PAK3: variants seen among roughly 807,000 people sequenced by gnomAD.
PAK3 encodes the protein serine/threonine-protein kinase PAK 3.
In PAK3, 4 loss-of-function variants were observed where a neutral mutation model predicts 41.0. That is an observed-to-expected ratio of 0.10 (90% CI 0.05 to 0.22). The LOEUF is 0.22. Ranked by LOEUF, PAK3 falls within the 10% of genes least tolerant of loss-of-function variation. PAK3 has a pLI of 1.00. For synonymous variants in PAK3, 146 were observed against 139.6 expected (o/e 1.05, Z -0.32); for missense variants, 205 against 409.9 (o/e 0.50, Z 4.32).
intron 16 of PAK3, among the ~76,000 whole-genome samples, chrX:111,198,702 A>T: frequency 9.1e-6 from 1 of 109,801 alleles, no homozygotes; most frequent in East Asian, 2.9e-4. Context: ...TTTTTTTTTT[A>T]CCAGTACCAT....
At chrX:110,993,803 A>G (rs12847822) in intron 1 of PAK3, among the ~76,000 whole-genome samples, 2 of 111,834 alleles carry the variant, frequency 1.8e-5, no homozygotes, top group Non-Finnish European at 3.8e-5. Context: ...GTAAAGGTCA[A>G]CAGCATACAT....
intron 5 of PAK3, among the ~76,000 whole-genome samples, chrX:111,141,507 A>G (rs1415855373): frequency 2.7e-5 from 3 of 112,150 alleles, no homozygotes; most frequent in African/African-American, 6.5e-5. Context: ...AGTGCTGGGT[A>G]GGAAATGATT....
chrX:111,067,132 C>T (rs1283675177), intron 1 of PAK3, among the ~76,000 whole-genome samples: 7 of 111,351 alleles, frequency 6.3e-5, no homozygotes, highest in African/African-American at 1.6e-4. Context: ...CTCTTGCTTT[C>T]GAATCCTTAT....
At chrX:111,080,815 G>T (rs1000931442) in intron 1 of PAK3, among the ~76,000 whole-genome samples, 1 of 112,051 alleles carries the variant, frequency 8.9e-6, no homozygotes, top group Non-Finnish European at 1.9e-5. Context: ...CGGTAGTCAA[G>T]ATATGAAATT....
At chrX:111,090,552 G>T (rs2092922020) in intron 1 of PAK3, among the ~76,000 whole-genome samples, 1 of 111,629 alleles carries the variant, frequency 9.0e-6, no homozygotes, top group Non-Finnish European at 1.9e-5. Context: ...GGTTGGGTGT[G>T]GGGATGGGGG....
rs1018205974 is a variant in PAK3 at position 110,990,115 on chromosome X, G to A, written c.-28+45487G>A. 2.7e-5 allele frequency among the ~76,000 whole-genome samples: 3 copies of A among 111,498 alleles called. No individual in the cohort carries two copies. The East Asian group carries it at 8.5e-4, about 31-fold the overall frequency. On this transcript the variant is annotated intron_variant, in intron 1 of 14. Transcript: ENST00000425146. ...TGTGGTCTAATGCAAAGAATCTGGG[G>A]CTCAAAGTCCAGACAGCTGGGCTCA...
chrX:111,039,706 A>G lies in PAK3; in HGVS notation c.-27-83371A>G, dbSNP rs1189045005. Among the ~76,000 whole-genome samples the G allele has an allele frequency of 5.4e-5, 6 of 111,652 alleles. No homozygotes were observed. The Admixed American group carries it at 5.7e-4, about 11-fold the overall frequency. On this transcript the variant is annotated intron_variant, in intron 1 of 14. Coordinates refer to the PAK3 transcript ENST00000425146. ...TACTTGGAGAATCAGACTAGATTGTAGCCCACACAGATGCAGCCTCCTGAA... is the reference window on the plus strand; with the variant it reads ...TACTTGGAGAATCAGACTAGATTGTGGCCCACACAGATGCAGCCTCCTGAA...
chrX:110,991,956 A>G (rs2091656749), intron 1 of PAK3, among the ~76,000 whole-genome samples: 1 of 111,850 alleles, frequency 8.9e-6, no homozygotes, highest in African/African-American at 3.3e-5. Flanking sequence ...TATGGAAAAC[A>G]AAATAATAAA....
At chrX:111,022,842 A>G (rs1193617856) in intron 1 of PAK3, among the ~76,000 whole-genome samples, 1 of 111,051 alleles carries the variant, frequency 9.0e-6, no homozygotes, top group East Asian at 2.8e-4. Context: ...GGGGTAGAAA[A>G]AGATATTCCA....
chrX:110,977,278 G>A (rs1161392772), intron 1 of PAK3, among the ~76,000 whole-genome samples: 1 of 110,384 alleles, frequency 9.1e-6, no homozygotes. Context: ...ACACTCTCTT[G>A]ATTATTGTAC....
At chrX:111,080,711 G>A (rs760356155) in intron 1 of PAK3, among the ~76,000 whole-genome samples, 34 of 111,839 alleles carry the variant, frequency 3.0e-4, no homozygotes, top group Non-Finnish European at 6.2e-4. Flanking sequence ...ACCACTATAT[G>A]ATCCAACCAT....
intron 1 of PAK3, among the ~76,000 whole-genome samples, chrX:110,998,021 T>G (rs1325094717): frequency 1.8e-5 from 2 of 111,786 alleles, no homozygotes; most frequent in African/African-American, 3.2e-5. Flanking sequence ...CTATCCAGTT[T>G]ATGGTATTTC....
chrX:110,975,314 AACAG>A (rs2091305512), intron 1 of PAK3, among the ~76,000 whole-genome samples: 1 of 112,065 alleles, frequency 8.9e-6, no homozygotes, highest in Non-Finnish European at 1.9e-5. Flanking sequence ...ATACACCAAT[AACAG>A]ACAAACAGAG....
At chrX:111,194,668 C>T (rs150993942) in intron 14 of PAK3, among the ~76,000 whole-genome samples, 1,183 of 111,594 alleles carry the variant, frequency 0.011, 20 homozygotes, top group African/African-American at 0.037. Context: ...TGTGAGGTGC[C>T]GTATCTAAAC....
chrX:111,160,578 T>C (rs1363767443), intron 8 of PAK3, among the ~76,000 whole-genome samples: 14 of 109,075 alleles, frequency 1.3e-4, no homozygotes, highest in African/African-American at 4.3e-4. Flanking sequence ...AACTCATCAT[T>C]TAGCATTAGG....
At chrX:111,076,125 T>A (rs181534284) in intron 1 of PAK3, among the ~76,000 whole-genome samples, 3 of 111,504 alleles carry the variant, frequency 2.7e-5, no homozygotes, top group Admixed American at 1.9e-4. Context: ...GACTTTGGAG[T>A]TGGGACTTTT....
chrX:111,112,033 A>G (rs751892427), intron 4 of PAK3, among the ~76,000 whole-genome samples: 40 of 111,468 alleles, frequency 3.6e-4, no homozygotes, highest in African/African-American at 1.3e-3. Flanking sequence ...TACCTGGAAC[A>G]TCTGACTCCA....
chrX:111,177,157 A>C (rs1360404350), intron 11 of PAK3, among the ~76,000 whole-genome samples: 1 of 111,772 alleles, frequency 8.9e-6, no homozygotes, highest in African/African-American at 3.2e-5. Context: ...TATTACAGTG[A>C]CATTCAAAAT....
intron 1 of PAK3, among the ~76,000 whole-genome samples, chrX:111,019,324 T>C (rs947687930): frequency 8.2e-5 from 9 of 110,326 alleles, no homozygotes; most frequent in Non-Finnish European, 1.3e-4. Flanking sequence ...AGAGAAAGTA[T>C]TTGCAAATCC....
Sources: gnomAD v4.1 joint callset for allele counts (sites outside exome capture counted in the v4.1 genomes callset) on GRCh38, gnomAD v4.1.1 for gene constraint, MANE v1.5 for transcripts, NCBI Gene and HGNC (gene_info 2026-07-23, HGNC 2026-07-21) for gene names.